Variants in DIP2C observed in about 807,000 individuals in gnomAD.
The protein encoded by DIP2C is disco-interacting protein 2 homolog C.
Under a neutral mutation model 192.4 loss-of-function variants are expected in DIP2C, and 33 were observed. The ratio of observed to expected loss-of-function variants is 0.17; its 90% CI spans 0.13 to 0.23. The LOEUF is 0.23. Ranked by LOEUF, DIP2C falls within the 10% of genes least tolerant of loss-of-function variation. DIP2C has a pLI of 1.00. For missense variants in DIP2C, 1,537 were observed against 2,110.1 expected, an observed-to-expected ratio of 0.73 and a Z score of 5.32; for synonymous variants, 979 against 864.1, an observed-to-expected ratio of 1.13 and a Z score of -2.33.
intron 17 of DIP2C, among the ~76,000 whole-genome samples, chr10:375,866 G>T (rs1961512815): frequency 3.8e-4 from 1 of 2,656 alleles, no homozygotes; most frequent in South Asian, 0.024. Context: ...AGTCAACAAG[G>T]TCTTTCATTT....
At chr10:592,504 A>T (rs1851460723) in intron 1 of DIP2C, among the ~76,000 whole-genome samples, 3 of 151,574 alleles carry the variant, frequency 2.0e-5, no homozygotes, top group Admixed American at 6.5e-5. Context: ...AGCCACAGGT[A>T]CCAACTAGCA....
At chr10:407,136 C>T (rs1443527231) in intron 9 of DIP2C, among the ~76,000 whole-genome samples, 2 of 152,214 alleles carry the variant, frequency 1.3e-5, no homozygotes, top group Non-Finnish European at 2.9e-5. Flanking sequence ...TCACTTTCTC[C>T]ATTGCAATCC....
At chr10:568,558 G>C (rs1335656737) in intron 1 of DIP2C, among the ~76,000 whole-genome samples, 1 of 151,878 alleles carries the variant, frequency 6.6e-6, no homozygotes, top group Admixed American at 6.6e-5. Flanking sequence ...ATGAGGTCAG[G>C]AGATCGAGAC....
chr10:369,545 C>T lies in DIP2C; in HGVS notation c.2080G>A (p.Glu694Lys). Residue 694 changes from glutamate to lysine, a missense_variant, in exon 18 of 37, where the codon GAG (glutamate) becomes AAG (lysine). Around this residue, in one of 4 missense-constraint regions of DIP2C, gnomAD observed 677 missense variants for 989.9 expected, o/e 0.68. Transcript: ENST00000280886. ...TYGVIRVDSE[E>K]KLSVLTVQDV... ...TGCACGGTGAGCACGGACAGCTTCT[C>T]TTCCGAGTCCACACGAATGACCCCA... 2 of 1,589,286 alleles carry T rather than the reference C, an allele frequency of 1.3e-6. No homozygotes were observed. Among genetic ancestry groups the T allele is most frequent in the Non-Finnish European group, 1.7e-6 (2 of 1,165,472 alleles).
intron 1 of DIP2C, among the ~76,000 whole-genome samples, chr10:688,903 C>T (rs1016978070): frequency 1.3e-5 from 2 of 152,230 alleles, no homozygotes; most frequent in Non-Finnish European, 2.9e-5. Flanking sequence ...GTGGGATCCC[C>T]CGGGCCGCGC....
At chr10:384,449 G>T in intron 15 of DIP2C, 97 bp downstream of exon 15, 1 of 1,235,368 alleles carries the variant, frequency 8.1e-7, no homozygotes, top group Non-Finnish European at 1.2e-6. Flanking sequence ...TATTGGCCCG[G>T]GTGGTCTGGA....
chr10:400,189 A>G (rs1282870901), intron 9 of DIP2C, among the ~76,000 whole-genome samples: 3 of 152,082 alleles, frequency 2.0e-5, no homozygotes, highest in Non-Finnish European at 2.9e-5. Flanking sequence ...CATGCAGCTA[A>G]TTTTTAAAAA....
intron 24 of DIP2C, among the ~76,000 whole-genome samples, chr10:353,205 A>G (rs1208962708): frequency 1.3e-5 from 2 of 152,096 alleles, no homozygotes; most frequent in Non-Finnish European, 1.5e-5. Flanking sequence ...GCCCTTGTCT[A>G]AGGACACACA....
At chr10:555,209 C>T (rs544322753) in intron 1 of DIP2C, among the ~76,000 whole-genome samples, 1 of 150,760 alleles carries the variant, frequency 6.6e-6, no homozygotes, top group African/African-American at 2.4e-5. Flanking sequence ...TTTTCCCAAG[C>T]CATTACTGAG....
At position 277,332 on chromosome 10, in the gene DIP2C, T is replaced by C; in HGVS notation, c.4664A>G (p.Asn1555Ser). ...DQLDPIYVAY[N>S]M The stretch of plus-strand genomic sequence containing the variant: ...GGAAGCCAAGAGACGAGACTACATG[T>C]TGTAGGCCACATAGATGGGGTCTAG... The change falls in exon 37 of 37, where the codon AAC (asparagine) becomes AGC (serine). Residue 1555 changes from asparagine to serine, a missense_variant. Around this residue, in one of 4 missense-constraint regions of DIP2C, gnomAD observed 341 missense variants for 551.7 expected, o/e 0.62. Transcript: ENST00000280886. 1 of 1,614,046 alleles carries C rather than the reference T, an allele frequency of 6.2e-7. No homozygotes were observed. Among genetic ancestry groups the C allele is most frequent in the Non-Finnish European group, 8.5e-7 (1 of 1,180,022 alleles).
rs141198571 is a variant in DIP2C, at chr10:364,466, G to A, written c.2385C>T (p.Gly795=). ...GCCTGCGCCCGCTGACCACCATGAG[G>A]CCATCCATCTTGCCCACCACGAAGA... ...GLVFVVGKMD[G]LMVVSGRRHN... Residue 795 remains glycine (G), a synonymous_variant, in exon 20 of 37, where the codon GGC becomes GGT. Coordinates refer to ENST00000280886, the MANE Select transcript of DIP2C (RefSeq NM_014974.3). 1 of 1,614,012 alleles carries A rather than the reference G, an allele frequency of 6.2e-7. No individual in the cohort carries two copies. Among genetic ancestry groups the A allele is most frequent in the African/African-American group, 1.3e-5 (1 of 74,906 alleles).
rs975212845 is a variant in DIP2C, at chr10:341,099, G to A, written c.3584+100C>T. 7 of 1,528,896 alleles carry A rather than the reference G, an allele frequency of 4.6e-6. No individual in the cohort carries two copies. The African/African-American group carries it at 5.5e-5, about 12-fold the overall frequency. 94.7% of individuals were successfully genotyped at this position (1,528,896 alleles called of 1,614,324 possible). A position where few individuals can be genotyped will look rare whatever the true frequency, so the allele number is the denominator to read the frequency against. ...CCCCAGGCCTCCTCTGGCAGGAGTG[G>A]GGGTGTGGGGGCAGTGCTTAGGTTG... On this transcript the variant is annotated intron_variant, in intron 29 of 36. Transcript: ENST00000280886.
At chr10:378,474 G>T (rs528367228) in intron 17 of DIP2C, among the ~76,000 whole-genome samples, 1 of 151,892 alleles carries the variant, frequency 6.6e-6, no homozygotes, top group South Asian at 2.1e-4. Flanking sequence ...CCTAGACAAA[G>T]ACATGCATAC....
At chr10:599,254 A>C (rs1278110579) in intron 1 of DIP2C, among the ~76,000 whole-genome samples, 1 of 152,180 alleles carries the variant, frequency 6.6e-6, no homozygotes, top group Non-Finnish European at 1.5e-5. Context: ...CCACACACAG[A>C]AAGTGGGCTA....
At chr10:338,639 A>G (rs1380535261) in intron 29 of DIP2C, among the ~76,000 whole-genome samples, 1 of 152,106 alleles carries the variant, frequency 6.6e-6, no homozygotes, top group African/African-American at 2.4e-5. Flanking sequence ...GAAATCGCCC[A>G]TTTGGAACGT....
At chr10:299,492 A>T (rs1431146895) in intron 32 of DIP2C, among the ~76,000 whole-genome samples, 1 of 152,262 alleles carries the variant, frequency 6.6e-6, no homozygotes, top group African/African-American at 2.4e-5. Context: ...AAAATATTTA[A>T]AATTATTTAA....
At chr10:311,129 A>G (rs996835589) in intron 31 of DIP2C, among the ~76,000 whole-genome samples, 8 of 152,218 alleles carry the variant, frequency 5.3e-5, no homozygotes, top group African/African-American at 1.7e-4. Context: ...CATGCGAGTC[A>G]GCCTCCCGGC....
At position 474,699 on chromosome 10, in the gene DIP2C, A is replaced by C. The variant is rs1405585218; in HGVS notation, c.158-2150T>G. ...AACACTTGGGGGCCCCACACATCCG[A>C]AAGTGCTTCTCTTTCTACCCCAGTG... On this transcript the variant is annotated intron_variant, in intron 2 of 36. Transcript: ENST00000280886. 3.3e-5 allele frequency among the ~76,000 whole-genome samples: 5 copies of C among 152,350 alleles called. No individual in the cohort carries two copies. In the South Asian group the frequency reaches 6.2e-4, roughly 19 times the overall value.
rs114840120 is a variant in DIP2C, at chr10:575,617, A to G, written c.86-89087T>C. On this transcript the variant is annotated intron_variant, in intron 1 of 36. Coordinates refer to ENST00000280886, the MANE Select transcript of DIP2C (RefSeq NM_014974.3). ...GCTCAGCATCATCAAAACCCAGAAA[A>G]GAACACAAGCCTTCCAGACATGACA... is the stretch of plus-strand genomic sequence containing the variant. 2.4e-3 allele frequency among the ~76,000 whole-genome samples: 360 copies of G among 152,340 alleles called. 3 individuals carry two copies. The highest frequency in any genetic ancestry group is 8.2e-3 in the African/African-American group (340 of 41,578).
Sources: allele counts gnomAD v4.1 joint callset (sites outside exome capture counted in the v4.1 genomes callset), GRCh38; gene constraint gnomAD v4.1.1; regional missense constraint gnomAD v4.1.1; transcripts MANE v1.5; gene names NCBI Gene and HGNC (gene_info 2026-07-23, HGNC 2026-07-21).